The following DMD variants were observed in gnomAD, a reference collection of about 807,000 sequenced individuals.
DMD encodes the protein dystrophin, also known as mutant dystrophin.
In DMD, 63 loss-of-function variants were observed where a neutral mutation model predicts 330.1. The ratio of observed to expected loss-of-function variants is 0.19; its 90% confidence interval spans 0.16 to 0.24. The LOEUF (loss-of-function observed/expected upper bound fraction) is 0.24. Among genes scored for constraint, DMD ranks in the 10% least tolerant of loss-of-function variants. DMD has a pLI of 1.00. For missense variants in DMD, 3,344 were observed against 2,684.1 expected, an observed-to-expected ratio of 1.25 and a Z score of -5.43; for synonymous variants, 1,223 against 959.8, an observed-to-expected ratio of 1.27 and a Z score of -5.07.
intron 1 of DMD, among the ~76,000 whole-genome samples, chrX:33,049,202 A>G (rs763971663): frequency 1.8e-5 from 2 of 112,151 alleles, no homozygotes; most frequent in South Asian, 7.4e-4. Flanking sequence ...CAATGTTTCT[A>G]AAGTCAGTAC....
At chrX:31,235,430 T>A (rs2147234196) in intron 63 of DMD, among the ~76,000 whole-genome samples, 1 of 112,344 alleles carries the variant, frequency 8.9e-6, no homozygotes, top group African/African-American at 3.2e-5. Context: ...GTAATACTGA[T>A]AGAAATGACT....
chrX:32,338,367 T>A (rs1293956655), intron 41 of DMD, among the ~76,000 whole-genome samples: 1 of 111,180 alleles, frequency 9.0e-6, no homozygotes, highest in Non-Finnish European at 1.9e-5. Flanking sequence ...TGAAATATTG[T>A]CTCTTCCCCA....
chrX:31,504,514 T>C (rs1455469189), intron 56 of DMD, among the ~76,000 whole-genome samples: 1 of 112,015 alleles, frequency 8.9e-6, no homozygotes, highest in Non-Finnish European at 1.9e-5. Flanking sequence ...ATTTTTCCAG[T>C]ATATCATTGA....
At chrX:31,169,365 G>A in intron 74 of DMD, 78 bp downstream of exon 74, 1 of 751,403 alleles carries the variant, frequency 1.3e-6, no homozygotes, top group East Asian at 3.3e-5. Context: ...GACTCTAAGT[G>A]AAGATTCCTG....
intron 44 of DMD, among the ~76,000 whole-genome samples, chrX:32,008,762 A>G (rs1342693615): frequency 9.0e-6 from 1 of 111,681 alleles, no homozygotes; most frequent in East Asian, 2.8e-4. Flanking sequence ...AAGATGGAGG[A>G]TTAAAAGAGA....
At chrX:31,223,348 A>G (rs749042776) in intron 63 of DMD, among the ~76,000 whole-genome samples, 2 of 112,534 alleles carry the variant, frequency 1.8e-5, no homozygotes, top group South Asian at 3.7e-4. Flanking sequence ...AGTTCTGTGA[A>G]GACTAAAGTG....
At chrX:31,268,691 TGTCA>T (rs1307654964) in intron 62 of DMD, among the ~76,000 whole-genome samples, 1 of 112,333 alleles carries the variant, frequency 8.9e-6, no homozygotes, top group Admixed American at 9.4e-5. Flanking sequence ...CCAATCTCTG[TGTCA>T]GTGTGGCAAA....
chrX:31,782,066 A>G lies in DMD; in HGVS notation c.7310-7874T>C, dbSNP rs180786614. On this transcript the variant is annotated intron_variant, in intron 50 of 78. Transcript: ENST00000357033. ...CAACATGATATTGGGCAGGCACTGA[A>G]GTATCCATAAGTAAACCACAAACTT... Among the ~76,000 whole-genome samples, 335 of 111,639 alleles carry G rather than the reference A, an allele frequency of 3.0e-3. 1 individual carries two copies. Among genetic ancestry groups the G allele is most frequent in the African/African-American group, 0.01 (322 of 30,722 alleles).
chrX:32,676,760 C>T (rs1344428023), intron 9 of DMD, among the ~76,000 whole-genome samples: 5 of 111,471 alleles, frequency 4.5e-5, no homozygotes, highest in Admixed American at 3.8e-4. Flanking sequence ...AAAACAAACA[C>T]ATATGTATTG....
At chrX:32,883,325 G>T (rs1361077062) in intron 2 of DMD, among the ~76,000 whole-genome samples, 1 of 111,645 alleles carries the variant, frequency 9.0e-6, no homozygotes, top group Non-Finnish European at 1.9e-5. Context: ...ATAATACAAT[G>T]AAATCTGAGT....
At chrX:33,188,114 A>T (rs1245807835) in intron 1 of DMD, among the ~76,000 whole-genome samples, 2 of 111,000 alleles carry the variant, frequency 1.8e-5, no homozygotes, top group African/African-American at 6.6e-5. Context: ...TAATGAGGAA[A>T]TGGAAAATAT....
intron 52 of DMD, 46 bp downstream of exon 52, chrX:31,729,585 G>A (rs1369800301): frequency 2.1e-6 from 2 of 975,523 alleles, no homozygotes; most frequent in African/African-American, 3.8e-5. Context: ...ATTGAAACTT[G>A]TCATGCATCT....
At chrX:33,217,428 C>A (rs1224883289) in intron 1 of DMD, among the ~76,000 whole-genome samples, 1 of 111,244 alleles carries the variant, frequency 9.0e-6, no homozygotes, top group Non-Finnish European at 1.9e-5. Context: ...GTATATATCT[C>A]CGTTTATTTA....
chrX:31,386,326 G>A (rs981140785), intron 60 of DMD, among the ~76,000 whole-genome samples: 5 of 111,207 alleles, frequency 4.5e-5, no homozygotes, highest in African/African-American at 1.6e-4. Flanking sequence ...GTATACATAT[G>A]TAACAAACCT....
intron 51 of DMD, among the ~76,000 whole-genome samples, chrX:31,747,486 C>T (rs1714259175): frequency 9.0e-6 from 1 of 111,015 alleles, no homozygotes; most frequent in African/African-American, 3.3e-5. Context: ...CTTGTCTATT[C>T]CCTAGGCCGT....
intron 44 of DMD, among the ~76,000 whole-genome samples, chrX:32,099,764 GA>G (rs1363406861): frequency 1.5e-5 from 1 of 68,162 alleles, no homozygotes. Context: ...AGGGGGGAGG[GA>G]CAGCATTAGG....
chrX:31,603,277 AT>A (rs1378581197), intron 55 of DMD, among the ~76,000 whole-genome samples: 2 of 111,425 alleles, frequency 1.8e-5, no homozygotes, highest in East Asian at 5.7e-4. Context: ...ACTGAATTAA[AT>A]TTTTTTGGTT....
At position 32,989,448 on chromosome X, in the gene DMD, A is replaced by T. The variant is rs143377010; in HGVS notation, c.93+30691T>A. Reference sequence around the variant, plus strand: ...CTTTCATCATGATGGTGTTAACAATATGTACTTCAGAAAATGTCATCGTTA... The same window carrying T: ...CTTTCATCATGATGGTGTTAACAATTTGTACTTCAGAAAATGTCATCGTTA... On this transcript the variant is annotated intron_variant, in intron 2 of 78. Coordinates refer to ENST00000357033, the MANE Select transcript of DMD (RefSeq NM_004006.3). 6.8e-3 allele frequency among the ~76,000 whole-genome samples: 761 copies of T among 111,772 alleles called. 6 individuals are homozygous for T. In the South Asian group the frequency reaches 0.077, roughly 11 times the overall value.
At chrX:33,179,114 T>C (rs916794842) in intron 1 of DMD, among the ~76,000 whole-genome samples, 2 of 111,746 alleles carry the variant, frequency 1.8e-5, no homozygotes, top group African/African-American at 6.5e-5. Flanking sequence ...ACTTCAGAGA[T>C]CTCTCAGAAA....
Sources: gnomAD v4.1 joint callset for allele counts (sites outside exome capture counted in the v4.1 genomes callset) on GRCh38, gnomAD v4.1.1 for gene constraint, MANE v1.5 for transcripts, NCBI Gene and HGNC (gene_info 2026-07-23, HGNC 2026-07-21) for gene names.